USP6: variants seen among roughly 807,000 people sequenced by gnomAD.
The protein encoded by USP6 is ubiquitin specific peptidase 6, also known as ubiquitin carboxyl-terminal hydrolase 6.
A neutral mutation model predicts 175.7 loss-of-function variants in USP6; 128 were observed. The observed-to-expected ratio is 0.73, with a 90% confidence interval of 0.63 to 0.84. The LOEUF (loss-of-function observed/expected upper bound fraction) is 0.84, where lower values mean the gene tolerates loss of function less well. USP6 is among the 40% of genes least tolerant of loss of function. USP6 has a pLI of 0.00. For synonymous variants in USP6, 562 were observed against 630.6 expected, an observed-to-expected ratio of 0.89 and a Z score of 1.63; for missense variants, 1,498 against 1,760.3, an observed-to-expected ratio of 0.85 and a Z score of 2.67.
intron 34 of USP6, among the ~76,000 whole-genome samples, chr17:5,168,506 G>A (rs542849087): frequency 3.9e-4 from 60 of 152,310 alleles, no homozygotes; most frequent in East Asian, 1.9e-4. Context: ...AACTGAGCCC[G>A]GGGGCAATAC....
intron 28 of USP6, 86 bp downstream of exon 28, chr17:5,146,260 T>C (rs1360982136): frequency 6.8e-7 from 1 of 1,462,704 alleles, no homozygotes; most frequent in African/African-American, 1.4e-5. Flanking sequence ...TGTTAGGTTA[T>C]GTGACCAAGA....
At chr17:5,130,842 TCCAG>T in intron 11 of USP6, among the ~76,000 whole-genome samples, 158 bp downstream of exon 11, 1 of 152,276 alleles carries the variant, frequency 6.6e-6, no homozygotes, top group South Asian at 2.1e-4. Flanking sequence ...CCCCTGCAGG[TCCAG>T]CCCGAGGTTG....
rs2074262646 is a variant in USP6 at position 5,173,121 on chromosome 17, A to T, written c.*143A>T. On this transcript the variant is annotated 3_prime_UTR_variant, in exon 38 of 38. Transcript: ENST00000574788. Reference sequence around the variant, plus strand: ...ACAAAAATTCTAATTAAAATAGTTAACTTGAAGAGTAGAAACAATTGTATT... The same window carrying T: ...ACAAAAATTCTAATTAAAATAGTTATCTTGAAGAGTAGAAACAATTGTATT... The T allele has an allele frequency of 1.9e-6, 2 of 1,066,508 alleles. No homozygotes were observed. Among genetic ancestry groups the T allele is most frequent in the East Asian group, 2.7e-5 (1 of 37,698 alleles). The allele number at this position is 1,066,508 out of a possible 1,614,324, so 66.1% of individuals were successfully genotyped here. A position where few individuals can be genotyped will look rare whatever the true frequency, so the allele number is the denominator to read the frequency against.
chr17:5,169,646 T>C (rs2074171197), intron 35 of USP6, among the ~76,000 whole-genome samples: 1 of 152,152 alleles, frequency 6.6e-6, no homozygotes. Flanking sequence ...TTCGCCATGT[T>C]TCCCAGGCTG....
chr17:5,118,717 G>T (rs1039462402), intron 2 of USP6, among the ~76,000 whole-genome samples: 23 of 152,320 alleles, frequency 1.5e-4, no homozygotes, highest in Admixed American at 1.4e-3. Flanking sequence ...TGAAGGTGGA[G>T]AATTTTACAG....
At chr17:5,123,300 G>GT (rs1324525916) in intron 4 of USP6, among the ~76,000 whole-genome samples, 1 of 152,042 alleles carries the variant, frequency 6.6e-6, no homozygotes, top group Non-Finnish European at 1.5e-5. Context: ...CGCACCGCCG[G>GT]TGGGGGGGTG....
In USP6 at chr17:5,144,883, C is replaced by G. The variant is rs769702782; in HGVS notation, c.1992+20C>G. 1.9e-6 allele frequency: 3 copies of G among 1,577,246 alleles called. No homozygotes were observed. Among genetic ancestry groups the G allele is most frequent in the South Asian group, 1.2e-5 (1 of 86,558 alleles). ...GCAGAGGTTTGTCAGTTTTGAGTTT[C>G]TAATGTAAGCAATAGACAAAATGTT... On this transcript the variant is annotated intron_variant, in intron 26 of 37. Coordinates refer to ENST00000574788, the MANE Select transcript of USP6 (RefSeq NM_001304284.2).
intron 10 of USP6, 55 bp downstream of exon 10, chr17:5,130,494 A>C (rs1228020817): frequency 6.2e-7 from 1 of 1,612,282 alleles, no homozygotes. Context: ...CCCTGGTCAA[A>C]GGGTCCTGGG....
chr17:5,170,778 G>A lies in USP6; in HGVS notation c.3817G>A (p.Glu1273Lys), dbSNP rs1352187462. 1.2e-6 allele frequency: 2 copies of A among 1,613,838 alleles called. No individual in the cohort carries two copies. The highest frequency in any genetic ancestry group is 1.3e-5 in the African/African-American group (1 of 74,914). The change falls in exon 36 of 38, where the codon GAG becomes AAG. Residue 1273 changes from glutamate (E) to lysine (K), a missense_variant. This residue lies in a region of USP6 where 1,217 missense variants were observed against 1,500.8 expected (regional missense o/e 0.81). Transcript: ENST00000574788. ...AGCTTTGGCCAATGGATTCCTTTAT[G>A]AGCATGAAGCATGTGGCAATGGCTG... Reference protein sequence around the residue: ...EVALANGFLYEHEACGNGCGD... With the variant: ...EVALANGFLYKHEACGNGCGD...
At chr17:5,155,262 C>T (rs1366580224) in intron 30 of USP6, among the ~76,000 whole-genome samples, 160 bp from the exon 31 acceptor site, 1 of 152,194 alleles carries the variant, frequency 6.6e-6, no homozygotes, top group East Asian at 1.9e-4. Flanking sequence ...GTAAACCGTT[C>T]TCTTTGTGTC....
In USP6 at chr17:5,132,138, G is replaced by A. The variant is rs2143839580; in HGVS notation, c.156-258G>A. 1.5e-6 allele frequency: 2 copies of A among 1,353,342 alleles called. No homozygotes were observed. Among genetic ancestry groups the A allele is most frequent in the East Asian group, 5.3e-5 (2 of 37,416 alleles). 83.8% of individuals were successfully genotyped at this position (1,353,342 alleles called of 1,614,324 possible). A position where few individuals can be genotyped will look rare whatever the true frequency, so the allele number is the denominator to read the frequency against. On this transcript the variant is annotated intron_variant, in intron 11 of 37. Transcript: ENST00000574788. The surrounding 1 kb of genome is among the most constrained non-coding windows in gnomAD (Gnocchi z 4.7). ...CAAGTCCAGGATGGGCAGCCCCACT[G>A]TGGCCTGACCACCCCCCATGCCAGG...
intron 30 of USP6, among the ~76,000 whole-genome samples, chr17:5,153,478 GTC>G (rs2073818057): frequency 6.6e-6 from 1 of 151,754 alleles, no homozygotes; most frequent in African/African-American, 2.4e-5. Flanking sequence ...TAGAGACAGG[GTC>G]TCTCTATGTT....
In USP6 at chr17:5,148,617, C is replaced by T. The variant is rs1240943676; in HGVS notation, c.2493C>T (p.Pro831=). Reference sequence around the variant, plus strand: ...CCCTAACTACCAATGGGGACCTACCCAAACCAATATTCATCCCCAATGGAA... The same window carrying T: ...CCCTAACTACCAATGGGGACCTACCTAAACCAATATTCATCCCCAATGGAA... ...MFTLTTNGDL[P]KPIFIPNGMP... is the part of the protein sequence containing the mutation. Residue 831 remains proline, a synonymous_variant, in exon 30 of 38, where the codon CCC becomes CCT. Transcript: ENST00000574788. The T allele has an allele frequency of 6.8e-6, 11 of 1,613,804 alleles. No individual in the cohort carries two copies. In the African/African-American group the frequency reaches 9.3e-5, roughly 14 times the overall value.
At chr17:5,168,658 TTC>T (rs2074146823) in intron 34 of USP6, 107 bp from the exon 35 acceptor site, 31 of 1,400,026 alleles carry the variant, frequency 2.2e-5, no homozygotes, top group Non-Finnish European at 2.7e-5. Context: ...AGAGTAAATG[TTC>T]TGTTATATAT....
In USP6 at chr17:5,132,227, G is replaced by C; in HGVS notation, c.156-169G>C. On this transcript the variant is annotated intron_variant, in intron 11 of 37. Transcript: ENST00000574788. The surrounding 1 kb of genome is among the most constrained non-coding windows in gnomAD (Gnocchi z 4.7). ...TCTTCTCCCAGGTCCTGCCCCTCCT[G>C]GGAGTCAGAGCCACAGGAAGGCCCT... is the stretch of plus-strand genomic sequence containing the variant. 6.3e-7 allele frequency: 1 copy of C among 1,575,804 alleles called. No individual in the cohort carries two copies. The highest frequency in any genetic ancestry group is 8.6e-7 in the Non-Finnish European group (1 of 1,159,826).
intron 33 of USP6, among the ~76,000 whole-genome samples, chr17:5,167,066 G>T (rs924160121): frequency 6.6e-6 from 1 of 152,160 alleles, no homozygotes; most frequent in African/African-American, 2.4e-5. Flanking sequence ...TATAGACTTG[G>T]TATTCTGATA....
At chr17:5,167,647 C>A (rs1056847479) in intron 33 of USP6, among the ~76,000 whole-genome samples, 1 of 152,000 alleles carries the variant, frequency 6.6e-6, no homozygotes, top group Non-Finnish European at 1.5e-5. Context: ...TACAGACATG[C>A]GCCACAATGC....
intron 31 of USP6, among the ~76,000 whole-genome samples, chr17:5,159,045 T>G (rs1385245323): frequency 6.6e-6 from 1 of 152,174 alleles, no homozygotes; most frequent in African/African-American, 2.4e-5. Context: ...ACTTCTTGAG[T>G]GTTTATGTCA....
chr17:5,133,650 G>GGGGGGGGGGGGGGGGA, intron 14 of USP6, 100 bp downstream of exon 14: 1 of 556,558 alleles, frequency 1.8e-6, no homozygotes, highest in East Asian at 4.5e-5. Flanking sequence ...GGGGGGGTGG[G>GGGGGGGGGGGGGGGGA]AGGGGATGGT....
Sources: allele counts gnomAD v4.1 joint callset (sites outside exome capture counted in the v4.1 genomes callset), GRCh38; gene constraint gnomAD v4.1.1; regional missense constraint gnomAD v4.1.1; non-coding constraint Gnocchi (gnomAD v3.1); transcripts MANE v1.5; gene names NCBI Gene and HGNC (gene_info 2026-07-23, HGNC 2026-07-21).